FILIP1L: variants seen among roughly 807,000 people sequenced by gnomAD.
The protein encoded by FILIP1L is filamin A-interacting protein 1-like.
Under a neutral mutation model 96.6 loss-of-function variants are expected in FILIP1L, and 55 were observed. The ratio of observed to expected loss-of-function variants is 0.57; its 90% CI spans 0.46 to 0.71. The LOEUF (loss-of-function observed/expected upper bound fraction) is 0.71. Among genes scored for constraint, FILIP1L ranks in the 30% least tolerant of loss-of-function variants. The probability of loss-of-function intolerance (pLI) is 0.00; values close to 1 mark genes in which losing one functional copy is unlikely to be tolerated. For synonymous variants in FILIP1L, 467 were observed against 473.9 expected, an observed-to-expected ratio of 0.99 and a Z score of 0.19; for missense variants, 1,304 against 1,321.2, an observed-to-expected ratio of 0.99 and a Z score of 0.20.
chr3:99,898,781 A>G (rs1287601850), intron 4 of FILIP1L: 3 of 152,214 alleles, frequency 2.0e-5, no homozygotes, highest in Non-Finnish European at 4.4e-5. Flanking sequence ...AAAAAAAAAA[A>G]AAAAGTGCAT....
intron 1 of FILIP1L, among the ~76,000 whole-genome samples, chr3:100,110,265 G>A (rs572576656): frequency 4.3e-4 from 66 of 152,178 alleles, no homozygotes; most frequent in African/African-American, 1.5e-3. Context: ...AGATGTTAGG[G>A]GCAGCTGAAA....
chr3:100,091,652 T>C (rs1404934995), intron 1 of FILIP1L, among the ~76,000 whole-genome samples: 1 of 152,252 alleles, frequency 6.6e-6, no homozygotes, highest in Non-Finnish European at 1.5e-5. Context: ...TCTTTTTATC[T>C]GCAGCCACTT....
chr3:99,986,689 A>G (rs912825328), intron 1 of FILIP1L, among the ~76,000 whole-genome samples: 2 of 152,274 alleles, frequency 1.3e-5, no homozygotes, highest in Non-Finnish European at 2.9e-5. Flanking sequence ...CTCAAGTAGA[A>G]GGAGGAGAAT....
intron 4 of FILIP1L, among the ~76,000 whole-genome samples, chr3:99,899,937 T>A (rs1361015420): frequency 6.6e-6 from 1 of 152,226 alleles, no homozygotes; most frequent in Non-Finnish European, 1.5e-5. Context: ...TACTAGTACA[T>A]TCCTAAGGTG....
At chr3:100,041,259 A>G (rs1442906572) in intron 1 of FILIP1L, 2 of 152,192 alleles carry the variant, frequency 1.3e-5, no homozygotes, top group Non-Finnish European at 2.9e-5. Flanking sequence ...AATTTTGAGA[A>G]TGGCTTTTTA....
chr3:100,073,266 A>G (rs565204310), intron 1 of FILIP1L, among the ~76,000 whole-genome samples: 49 of 152,244 alleles, frequency 3.2e-4, no homozygotes, highest in African/African-American at 1.2e-3. Context: ...TTATCTGACT[A>G]TTTTCATCCT....
At chr3:100,104,221 C>T (rs1484910425) in intron 1 of FILIP1L, among the ~76,000 whole-genome samples, 1 of 152,186 alleles carries the variant, frequency 6.6e-6, no homozygotes, top group African/African-American at 2.4e-5. Flanking sequence ...AAGAAGCTTG[C>T]TCAGGCAAAG....
chr3:99,860,669 A>G (rs569385422), intron 4 of FILIP1L, among the ~76,000 whole-genome samples: 15 of 152,296 alleles, frequency 9.8e-5, no homozygotes, highest in South Asian at 8.3e-4. Context: ...CCATGCTGCT[A>G]TGAAAGGGCC....
chr3:100,091,467 G>A (rs1198761326), intron 1 of FILIP1L, among the ~76,000 whole-genome samples: 1 of 152,184 alleles, frequency 6.6e-6, no homozygotes, highest in Non-Finnish European at 1.5e-5. Flanking sequence ...TAGGTAACAA[G>A]AGCAGCCAGT....
intron 1 of FILIP1L, among the ~76,000 whole-genome samples, chr3:100,002,947 C>T (rs1375833219): frequency 6.6e-6 from 1 of 152,164 alleles, no homozygotes; most frequent in Non-Finnish European, 1.5e-5. Flanking sequence ...GACATTCTTG[C>T]TGGGTTGCAT....
intron 1 of FILIP1L, among the ~76,000 whole-genome samples, chr3:99,971,121 A>G (rs1057331376): frequency 6.6e-6 from 1 of 152,166 alleles, no homozygotes; most frequent in African/African-American, 2.4e-5. Context: ...GCGGATCACT[A>G]GGTCAGGAGA....
At chr3:99,989,058 C>A (rs187436223) in intron 1 of FILIP1L, among the ~76,000 whole-genome samples, 1 of 152,322 alleles carries the variant, frequency 6.6e-6, no homozygotes, top group Admixed American at 6.5e-5. Context: ...TCTTCCATCT[C>A]ATAAACTTAC....
chr3:99,876,024 C>CT (rs1705494700), intron 4 of FILIP1L: 2 of 984,452 alleles, frequency 2.0e-6, no homozygotes, highest in South Asian at 4.7e-5. Context: ...ACCTGGCTGT[C>CT]TGACAGCAGT....
At chr3:99,938,308 A>G (rs1576587221) in intron 1 of FILIP1L, among the ~76,000 whole-genome samples, 1 of 152,204 alleles carries the variant, frequency 6.6e-6, no homozygotes, top group South Asian at 2.1e-4. Flanking sequence ...ATTAACCATC[A>G]TTAGTTCTGT....
chr3:99,960,991 G>A (rs564199906), intron 1 of FILIP1L, among the ~76,000 whole-genome samples: 59 of 152,268 alleles, frequency 3.9e-4, no homozygotes, highest in African/African-American at 1.3e-3. Flanking sequence ...GTGTGCATGC[G>A]TGTGTGCAGA....
In FILIP1L at chr3:99,876,896, T is replaced by A. The variant is rs957526177; in HGVS notation, c.606-25826A>T. On this transcript the variant is annotated intron_variant, in intron 4 of 5. Coordinates refer to ENST00000477258, the MANE Select transcript of FILIP1L (RefSeq NM_001387850.1). Reference sequence around the variant, plus strand: ...AAATTTTTAAAGAAATTAAATGTTTTGTGCTGTACTTTCAAGACAATGTAT... The same window carrying A: ...AAATTTTTAAAGAAATTAAATGTTTAGTGCTGTACTTTCAAGACAATGTAT... Among the ~76,000 whole-genome samples, 4 of 152,360 alleles carry A rather than the reference T, an allele frequency of 2.6e-5. No individual in the cohort carries two copies. In the South Asian group the frequency reaches 8.3e-4, roughly 32 times the overall value.
intron 1 of FILIP1L, among the ~76,000 whole-genome samples, chr3:99,941,790 A>G (rs1474130663): frequency 6.6e-6 from 1 of 152,210 alleles, no homozygotes; most frequent in Non-Finnish European, 1.5e-5. Flanking sequence ...TGGAAAAAAT[A>G]TATTGATTTA....
At chr3:99,834,948 A>G (rs793478) in intron 5 of FILIP1L, among the ~76,000 whole-genome samples, 151,659 of 152,342 alleles carry the variant, frequency 1, 75,495 homozygotes, top group Middle Eastern at 1. Context: ...ATATTGTGTA[A>G]TAAAGTCCCT....
At chr3:99,982,168 G>A (rs1709143218) in intron 1 of FILIP1L, among the ~76,000 whole-genome samples, 1 of 151,968 alleles carries the variant, frequency 6.6e-6, no homozygotes, top group African/African-American at 2.4e-5. Context: ...TTCGGTATAT[G>A]TATTTTAGTA....
Sources: allele counts gnomAD v4.1 joint callset (sites outside exome capture counted in the v4.1 genomes callset), GRCh38; gene constraint gnomAD v4.1.1; transcripts MANE v1.5; gene names NCBI Gene and HGNC (gene_info 2026-07-23, HGNC 2026-07-21).